The following PIP5K1B variants were observed in gnomAD, a reference collection of about 807,000 sequenced individuals.
PIP5K1B encodes phosphatidylinositol-4-phosphate 5-kinase type 1 beta.
Under a neutral mutation model 67.0 loss-of-function variants are expected in PIP5K1B, and 42 were observed. The ratio of observed to expected loss-of-function variants is 0.63; its 90% CI spans 0.49 to 0.81. The LOEUF is 0.81. Among genes scored for constraint, PIP5K1B ranks in the 30% least tolerant of loss-of-function variants. The probability of loss-of-function intolerance (pLI) is 0.00; values close to 1 mark genes in which losing one functional copy is unlikely to be tolerated. For synonymous variants in PIP5K1B, 214 were observed against 231.4 expected, an observed-to-expected ratio of 0.92 and a Z score of 0.68; for missense variants, 459 against 646.3, an observed-to-expected ratio of 0.71 and a Z score of 3.14.
At chr9:68,760,395 A>G (rs770847028) in intron 2 of PIP5K1B, among the ~76,000 whole-genome samples, 1 of 152,166 alleles carries the variant, frequency 6.6e-6, no homozygotes, top group Non-Finnish European at 1.5e-5. Context: ...GACTATTCCA[A>G]TGAAATGCAA....
At chr9:68,743,207 C>CTTT (rs113151542) in intron 2 of PIP5K1B, among the ~76,000 whole-genome samples, 1 of 137,604 alleles carries the variant, frequency 7.3e-6, no homozygotes, top group Non-Finnish European at 1.6e-5. Flanking sequence ...AATACCAAAA[C>CTTT]TTTTTTTTTT....
chr9:68,732,925 G>A (rs935821292), intron 1 of PIP5K1B, among the ~76,000 whole-genome samples: 28 of 150,862 alleles, frequency 1.9e-4, no homozygotes, highest in South Asian at 1.7e-3. Flanking sequence ...TTGGGGGGGG[G>A]GCGGCGCGGT....
chr9:68,712,526 T>C (rs1415014060), intron 1 of PIP5K1B, among the ~76,000 whole-genome samples: 2 of 152,236 alleles, frequency 1.3e-5, no homozygotes, highest in African/African-American at 4.8e-5. Flanking sequence ...ACACTGTTTT[T>C]CTAGTGTTTG....
At chr9:68,898,317 T>A (rs890401123) in intron 8 of PIP5K1B, among the ~76,000 whole-genome samples, 2 of 152,132 alleles carry the variant, frequency 1.3e-5, no homozygotes, top group Admixed American at 6.5e-5. Flanking sequence ...ATTGGCTGTG[T>A]GTGGTGGGGG....
chr9:68,753,169 C>A (rs907860119), intron 2 of PIP5K1B, among the ~76,000 whole-genome samples: 8 of 137,172 alleles, frequency 5.8e-5, no homozygotes, highest in Non-Finnish European at 1.1e-4. Flanking sequence ...GTAATGAATA[C>A]TGAATTCTAG....
In PIP5K1B at chr9:68,822,627, G is replaced by A. The variant is rs751010134; in HGVS notation, c.13G>A (p.Ala5Thr). The A allele has an allele frequency of 1.2e-6, 2 of 1,612,876 alleles. No homozygotes were observed. The highest frequency in any genetic ancestry group is 1.7e-6 in the Non-Finnish European group (2 of 1,179,086). The change falls in exon 4 of 16, where the codon GCT (alanine) becomes ACT (threonine). Residue 5 changes from alanine (A) to threonine (T), a missense_variant. Ala to Thr is a moderately conservative substitution (Grantham distance 58). Coordinates refer to ENST00000265382, the MANE Select transcript of PIP5K1B (RefSeq NM_003558.4). ...GTTTCTCTTGTAGATGTCTTCTGCT[G>A]CTGAAAATGGAGAGGCAGCACCTGG... MSSAAENGEAAPGKQ... is the reference protein window; with the variant it reads MSSATENGEAAPGKQ...
intron 2 of PIP5K1B, among the ~76,000 whole-genome samples, chr9:68,804,805 C>A (rs1428116146): frequency 6.6e-6 from 1 of 152,102 alleles, no homozygotes; most frequent in East Asian, 1.9e-4. Context: ...CCTCTGCAAC[C>A]AAGCAATGAG....
chr9:68,806,367 T>A (rs941939280), intron 2 of PIP5K1B, among the ~76,000 whole-genome samples: 2 of 152,212 alleles, frequency 1.3e-5, no homozygotes, highest in African/African-American at 4.8e-5. Context: ...GCTCCTTCCT[T>A]TCAGCCTGCA....
chr9:68,999,947 A>G (rs1172259207), intron 15 of PIP5K1B, among the ~76,000 whole-genome samples: 2 of 152,188 alleles, frequency 1.3e-5, no homozygotes, highest in African/African-American at 2.4e-5. Context: ...TTGTACGTGC[A>G]AGGTCAGCAG....
At chr9:68,747,704 G>GT (rs1001883630) in intron 2 of PIP5K1B, among the ~76,000 whole-genome samples, 4 of 151,888 alleles carry the variant, frequency 2.6e-5, no homozygotes, top group Non-Finnish European at 5.9e-5. Flanking sequence ...TAGATTTGCT[G>GT]TTTTTTTTAC....
At chr9:68,978,028 T>G (rs551755377) in intron 14 of PIP5K1B, among the ~76,000 whole-genome samples, 1 of 152,286 alleles carries the variant, frequency 6.6e-6, no homozygotes, top group South Asian at 2.1e-4. Flanking sequence ...CCAGCTTTAT[T>G]GAGGTATACT....
chr9:68,767,300 T>C (rs1331312995), intron 2 of PIP5K1B, among the ~76,000 whole-genome samples: 2 of 152,128 alleles, frequency 1.3e-5, no homozygotes, highest in Non-Finnish European at 2.9e-5. Flanking sequence ...TCAGATAGAA[T>C]TTAGCAATGC....
rs188307842 is a variant in PIP5K1B, at chr9:68,958,994, C to T, written c.1502+18204C>T. ...TGGTTCATAGTACTCCCAATATTGA[C>T]GTGTAGGAAAGAAAGAATAAGAAAG... On this transcript the variant is annotated intron_variant, in intron 14 of 15. Coordinates refer to ENST00000265382, the MANE Select transcript of PIP5K1B (RefSeq NM_003558.4). Among the ~76,000 whole-genome samples, 46 of 152,136 alleles carry T rather than the reference C, an allele frequency of 3.0e-4. No homozygotes were observed. In the East Asian group the frequency reaches 6.8e-3, roughly 22 times the overall value.
chr9:68,967,454 AG>A lies in PIP5K1B; in HGVS notation c.1503-23685del, dbSNP rs1829097134. The stretch of plus-strand genomic sequence containing the variant: ...TATCAGATAGAGTTCTCTGCTTACA[AG>A]CAAGAGAAACTGAAGTAGCAAAGGA... On this transcript the variant is annotated intron_variant, in intron 14 of 15. Coordinates refer to ENST00000265382, the MANE Select transcript of PIP5K1B (RefSeq NM_003558.4). Among the ~76,000 whole-genome samples the A allele has an allele frequency of 5.9e-5, 9 of 152,358 alleles. No homozygotes were observed. In the South Asian group the frequency reaches 1.9e-3, roughly 32 times the overall value.
In PIP5K1B at chr9:68,721,109, G is replaced by T. The variant is rs116515904; in HGVS notation, c.-243+15347G>T. Among the ~76,000 whole-genome samples, 1,090 of 152,276 alleles carry T rather than the reference G, an allele frequency of 7.2e-3. 12 individuals are homozygous for T. Among genetic ancestry groups the T allele is most frequent in the African/African-American group, 0.025 (1,053 of 41,526 alleles). On this transcript the variant is annotated intron_variant, in intron 1 of 15. Coordinates refer to ENST00000265382, the MANE Select transcript of PIP5K1B (RefSeq NM_003558.4). The stretch of plus-strand genomic sequence containing the variant: ...AGATAGGGCTGGAGAGGTGTATCGG[G>T]CCAGACCATCGACATCTTGTCAGCT...
intron 14 of PIP5K1B, among the ~76,000 whole-genome samples, chr9:68,944,642 G>C (rs771754030): frequency 6.6e-6 from 1 of 152,130 alleles, no homozygotes; most frequent in African/African-American, 2.4e-5. Context: ...ATTGGCAAAG[G>C]CTCCCTAAAT....
intron 1 of PIP5K1B, among the ~76,000 whole-genome samples, chr9:68,739,361 G>A (rs1828892539): frequency 6.6e-6 from 1 of 152,004 alleles, no homozygotes; most frequent in Non-Finnish European, 1.5e-5. Flanking sequence ...GGCTTCTTTT[G>A]TCTATATACT....
intron 14 of PIP5K1B, among the ~76,000 whole-genome samples, chr9:68,987,619 A>G (rs943740493): frequency 6.6e-6 from 1 of 152,184 alleles, no homozygotes; most frequent in Middle Eastern, 3.2e-3. Flanking sequence ...GGACTATTGT[A>G]TTAGTCCATT....
chr9:68,935,801 C>T (rs1827235318), intron 13 of PIP5K1B: 1 of 152,126 alleles, frequency 6.6e-6, no homozygotes, highest in Admixed American at 6.5e-5. Context: ...GGAGGTACTA[C>T]ACGTTCTTTA....
Sources: allele counts gnomAD v4.1 joint callset (sites outside exome capture counted in the v4.1 genomes callset), GRCh38; gene constraint gnomAD v4.1.1; transcripts MANE v1.5; gene names NCBI Gene and HGNC (gene_info 2026-07-23, HGNC 2026-07-21).